The following CLDN10 variants were observed in gnomAD, a reference collection of about 807,000 sequenced individuals.
The protein encoded by CLDN10 is claudin 10.
CLDN10 carries 15 observed loss-of-function variants against 22.9 expected under a neutral mutation model. The observed-to-expected ratio is 0.65, with a 90% CI of 0.44 to 1.01. The LOEUF (loss-of-function observed/expected upper bound fraction) is 1.01. Among genes scored for constraint, CLDN10 ranks in the 50% least tolerant of loss-of-function variants. The probability of loss-of-function intolerance (pLI) is 0.00; values close to 1 mark genes in which losing one functional copy is unlikely to be tolerated. For missense variants in CLDN10, 247 were observed against 287.8 expected (o/e 0.86, Z 1.03); for synonymous variants, 114 against 111.4 (o/e 1.02, Z -0.15).
intron 1 of CLDN10, among the ~76,000 whole-genome samples, chr13:95,554,188 A>G (rs990309539): frequency 9.9e-5 from 15 of 152,150 alleles, no homozygotes; most frequent in Non-Finnish European, 1.9e-4. Flanking sequence ...AAGCAGCCGG[A>G]ACAGTGTTTA....
chr13:95,514,572 A>C (rs2043142298), intron 1 of CLDN10, among the ~76,000 whole-genome samples: 1 of 152,144 alleles, frequency 6.6e-6, no homozygotes, highest in African/African-American at 2.4e-5. Context: ...TTTCAGACAA[A>C]AGGATCCCTA....
At chr13:95,537,024 AAG>A (rs2138616724) in intron 1 of CLDN10, among the ~76,000 whole-genome samples, 1 of 152,308 alleles carries the variant, frequency 6.6e-6, no homozygotes, top group South Asian at 2.1e-4. Context: ...GCTTCTTTAG[AAG>A]AGTTTCAGAG....
chr13:95,475,211 C>G (rs1290353948), intron 1 of CLDN10, among the ~76,000 whole-genome samples: 2 of 152,174 alleles, frequency 1.3e-5, no homozygotes, highest in African/African-American at 4.8e-5. Flanking sequence ...CCACCCCTGC[C>G]CCCTGCTGCC....
chr13:95,492,259 A>T, intron 1 of CLDN10, among the ~76,000 whole-genome samples: 1 of 138,018 alleles, frequency 7.2e-6, no homozygotes, highest in East Asian at 2.2e-4. Context: ...TTTCCCTACC[A>T]GGGCGGGTAG....
intron 1 of CLDN10, among the ~76,000 whole-genome samples, chr13:95,524,871 T>G (rs111970987): frequency 6.6e-6 from 1 of 151,030 alleles, no homozygotes; most frequent in African/African-American, 2.4e-5. Context: ...TTTTATTTTT[T>G]TTTTTGAGAC....
chr13:95,559,979 C>T (rs953641505), intron 1 of CLDN10, among the ~76,000 whole-genome samples, 153 bp from the exon 2 acceptor site: 4 of 152,232 alleles, frequency 2.6e-5, no homozygotes, highest in African/African-American at 7.2e-5. Flanking sequence ...TGTAGATTAA[C>T]TTGCTTTCCT....
At chr13:95,488,628 T>A (rs1392169587) in intron 1 of CLDN10, among the ~76,000 whole-genome samples, 3 of 152,186 alleles carry the variant, frequency 2.0e-5, no homozygotes, top group Admixed American at 1.3e-4. Context: ...TGGTTTTCCG[T>A]TCCTGAGTTC....
intron 1 of CLDN10, among the ~76,000 whole-genome samples, chr13:95,470,174 T>C (rs1384704666): frequency 1.3e-5 from 2 of 152,216 alleles, no homozygotes; most frequent in African/African-American, 2.4e-5. Context: ...TAGTGAATTC[T>C]TACCAGAAAT....
chr13:95,438,200 C>G (rs889362401), intron 1 of CLDN10, among the ~76,000 whole-genome samples: 1 of 152,138 alleles, frequency 6.6e-6, no homozygotes, highest in Admixed American at 6.5e-5. Context: ...ACTATAGGCA[C>G]GTGCCACCAT....
intron 1 of CLDN10, among the ~76,000 whole-genome samples, chr13:95,447,014 G>A (rs1009723342): frequency 1.2e-4 from 18 of 152,198 alleles, no homozygotes; most frequent in African/African-American, 3.1e-4. Flanking sequence ...GGGGGCAGGG[G>A]GATACAAGAG....
intron 1 of CLDN10, among the ~76,000 whole-genome samples, chr13:95,478,793 G>A (rs1343760217): frequency 6.6e-6 from 1 of 152,206 alleles, no homozygotes; most frequent in Non-Finnish European, 1.5e-5. Context: ...ACAGCCTGTG[G>A]TCTCGACAGG....
chr13:95,472,953 C>A (rs2042650375), intron 1 of CLDN10, among the ~76,000 whole-genome samples: 2 of 152,080 alleles, frequency 1.3e-5, no homozygotes, highest in Admixed American at 6.5e-5. Context: ...GCAGCCTGGG[C>A]AACACAGGGA....
chr13:95,474,013 G>A (rs1311443907), intron 1 of CLDN10, among the ~76,000 whole-genome samples: 3 of 152,332 alleles, frequency 2.0e-5, no homozygotes, highest in Admixed American at 6.5e-5. Context: ...GGGGGTCGCA[G>A]GGTAGTTTCA....
chr13:95,465,277 T>A (rs1187354886), intron 1 of CLDN10, among the ~76,000 whole-genome samples: 1 of 152,144 alleles, frequency 6.6e-6, no homozygotes, highest in African/African-American at 2.4e-5. Flanking sequence ...TATCTCCCAC[T>A]GGGTCCCTCC....
intron 1 of CLDN10, among the ~76,000 whole-genome samples, chr13:95,447,216 A>G (rs2042389427): frequency 6.6e-6 from 1 of 152,214 alleles, no homozygotes; most frequent in South Asian, 2.1e-4. Context: ...TACTACGGCC[A>G]TATGTTCTCC....
chr13:95,446,527 A>G (rs774295008), intron 1 of CLDN10, among the ~76,000 whole-genome samples: 3 of 152,344 alleles, frequency 2.0e-5, no homozygotes, highest in Middle Eastern at 3.4e-3. Flanking sequence ...ATTTAAACCT[A>G]TATGTTAATC....
chr13:95,571,048 A>G (rs2043851773), intron 3 of CLDN10, among the ~76,000 whole-genome samples: 1 of 147,386 alleles, frequency 6.8e-6, no homozygotes, highest in Non-Finnish European at 1.5e-5. Context: ...ACTTTTGCAC[A>G]GACCTAATAT....
At chr13:95,550,037 T>G (rs1284443629), upstream of CLDN10, among the ~76,000 whole-genome samples, 2 of 152,218 alleles carry the variant, frequency 1.3e-5, no homozygotes, top group Non-Finnish European at 2.9e-5. Context: ...TGGTCAGAGC[T>G]GTGGTTCTCA....
At chr13:95,465,296 G>A (rs936897988) in intron 1 of CLDN10, among the ~76,000 whole-genome samples, 1 of 152,244 alleles carries the variant, frequency 6.6e-6, no homozygotes, top group East Asian at 1.9e-4. Context: ...CCCACAACAC[G>A]TGGGAATTAT....
Sources: allele counts gnomAD v4.1 joint callset (sites outside exome capture counted in the v4.1 genomes callset), GRCh38; gene constraint gnomAD v4.1.1; transcripts MANE v1.5; gene names NCBI Gene and HGNC (gene_info 2026-07-23, HGNC 2026-07-21).